Variants in PTPRD observed in about 807,000 individuals in gnomAD.
The protein encoded by PTPRD is receptor-type tyrosine-protein phosphatase delta.
PTPRD carries 34 observed loss-of-function variants against 214.5 expected under a neutral mutation model. The observed-to-expected ratio is 0.16, with a 90% CI of 0.12 to 0.21. PTPRD has a LOEUF of 0.21. Among genes scored for constraint, PTPRD ranks in the 10% least tolerant of loss-of-function variants. The probability of loss-of-function intolerance (pLI) is 1.00; values close to 1 mark genes in which losing one functional copy is unlikely to be tolerated. For missense variants in PTPRD, 2,545 were observed against 2,398.7 expected (o/e 1.06, Z -1.27); for synonymous variants, 1,128 against 845.7 (o/e 1.33, Z -5.79).
At chr9:9,273,878 G>T (rs1231753770) in intron 9 of PTPRD, among the ~76,000 whole-genome samples, 1 of 151,054 alleles carries the variant, frequency 6.6e-6, no homozygotes, top group East Asian at 2.0e-4. Context: ...AAGAACATTC[G>T]CCAAACCTTC....
At chr9:8,827,377 T>A (rs949588815) in intron 11 of PTPRD, among the ~76,000 whole-genome samples, 4 of 152,030 alleles carry the variant, frequency 2.6e-5, no homozygotes, top group Non-Finnish European at 5.9e-5. Context: ...GAGGCCAAGG[T>A]GGGTGGATCA....
At chr9:9,478,851 A>C (rs1166626961) in intron 8 of PTPRD, among the ~76,000 whole-genome samples, 1 of 152,190 alleles carries the variant, frequency 6.6e-6, no homozygotes, top group East Asian at 1.9e-4. Flanking sequence ...TCAAGGGTGC[A>C]AGTGAGTTCC....
At chr9:8,984,979 A>C (rs534073650) in intron 11 of PTPRD, among the ~76,000 whole-genome samples, 1 of 152,206 alleles carries the variant, frequency 6.6e-6, no homozygotes, top group African/African-American at 2.4e-5. Flanking sequence ...AAATGATTGA[A>C]TCAAGTTGGA....
intron 3 of PTPRD, among the ~76,000 whole-genome samples, chr9:10,081,508 A>G (rs1343269895): frequency 6.6e-6 from 1 of 152,008 alleles, no homozygotes; most frequent in Non-Finnish European, 1.5e-5. Flanking sequence ...AGAGACCTTC[A>G]CAGTTCTCTT....
At chr9:9,541,899 A>T (rs905253393) in intron 8 of PTPRD, among the ~76,000 whole-genome samples, 2 of 151,784 alleles carry the variant, frequency 1.3e-5, no homozygotes, top group Non-Finnish European at 2.9e-5. Flanking sequence ...AGGTATCTAA[A>T]AGAAGAAAAG....
intron 11 of PTPRD, among the ~76,000 whole-genome samples, chr9:8,970,970 A>G (rs939116780): frequency 7.3e-5 from 11 of 151,720 alleles, no homozygotes; most frequent in African/African-American, 2.4e-4. Flanking sequence ...GATATGTTCT[A>G]ATGAAATCTT....
At chr9:8,477,396 TAAGTA>T (rs764044368) in intron 30 of PTPRD, among the ~76,000 whole-genome samples, 3 of 152,182 alleles carry the variant, frequency 2.0e-5, no homozygotes, top group Non-Finnish European at 2.9e-5. Flanking sequence ...TTAATTATAT[TAAGTA>T]AAGTTTTACT....
intron 43 of PTPRD, among the ~76,000 whole-genome samples, chr9:8,337,887 T>A (rs1848550529): frequency 6.6e-6 from 1 of 151,668 alleles, no homozygotes; most frequent in Non-Finnish European, 1.5e-5. Context: ...TTTTTTTTTT[T>A]AAACGGTGGG....
At chr9:10,098,251 C>T (rs1021373831) in intron 3 of PTPRD, among the ~76,000 whole-genome samples, 1 of 150,596 alleles carries the variant, frequency 6.6e-6, no homozygotes, top group African/African-American at 2.4e-5. Context: ...GGACAAAAAA[C>T]CAAACACCGC....
intron 12 of PTPRD, among the ~76,000 whole-genome samples, chr9:8,644,377 G>A (rs1024339791): frequency 6.6e-5 from 10 of 152,066 alleles, no homozygotes; most frequent in East Asian, 1.9e-4. Context: ...GCTCTTCTTC[G>A]TCTTGCTCAT....
intron 9 of PTPRD, among the ~76,000 whole-genome samples, chr9:9,357,436 A>T (rs191200052): frequency 4.0e-4 from 61 of 151,408 alleles, no homozygotes; most frequent in African/African-American, 1.5e-3. Flanking sequence ...ATGATCTTGT[A>T]TGTAATCATT....
chr9:10,120,425 A>T (rs12237347), intron 3 of PTPRD, among the ~76,000 whole-genome samples: 21,644 of 151,906 alleles, frequency 0.14, 1,610 homozygotes, highest in South Asian at 0.28. Context: ...TAAAGAGTTC[A>T]ATTAATTTTT....
chr9:9,381,462 G>GTAA (rs2140321426), intron 9 of PTPRD, among the ~76,000 whole-genome samples: 1 of 149,672 alleles, frequency 6.7e-6, no homozygotes, highest in African/African-American at 2.5e-5. Context: ...TTGGGCTCAA[G>GTAA]TAATCTTCTC....
chr9:9,103,067 T>C (rs1289215392), intron 10 of PTPRD, among the ~76,000 whole-genome samples: 1 of 152,204 alleles, frequency 6.6e-6, no homozygotes, highest in Non-Finnish European at 1.5e-5. Flanking sequence ...AAATTAAATT[T>C]TCTTTTTCAG....
chr9:8,808,381 A>C (rs1381866390), intron 11 of PTPRD, among the ~76,000 whole-genome samples: 1 of 151,314 alleles, frequency 6.6e-6, no homozygotes, highest in Non-Finnish European at 1.5e-5. Flanking sequence ...AGCTAACCCC[A>C]CATTCACTAA....
chr9:8,377,560 G>A lies in PTPRD; in HGVS notation c.4387-834C>T, dbSNP rs371792674. On this transcript the variant is annotated intron_variant, in intron 37 of 45. Coordinates refer to ENST00000381196, the MANE Select transcript of PTPRD (RefSeq NM_002839.4). ...GTAACAAACACAGCACAATATTTTT[G>A]GAGTAAGGCCATAGATCTGACTATA... Among the ~76,000 whole-genome samples the A allele has an allele frequency of 3.6e-4, 54 of 152,004 alleles. 1 individual carries two copies. In the South Asian group the frequency reaches 9.6e-3, roughly 27 times the overall value.
At chr9:8,585,598 C>T (rs181035857) in intron 14 of PTPRD, among the ~76,000 whole-genome samples, 144 of 152,298 alleles carry the variant, frequency 9.5e-4, no homozygotes, top group Admixed American at 9.3e-3. Context: ...CCATACATTG[C>T]AAAGTAGTCC....
intron 11 of PTPRD, among the ~76,000 whole-genome samples, chr9:8,870,471 G>A: frequency 6.6e-6 from 1 of 152,104 alleles, no homozygotes; most frequent in East Asian, 1.9e-4. Context: ...AAAGGAAAGT[G>A]TGTGTGTCAA....
chr9:8,385,183 G>A (rs2086543720), intron 37 of PTPRD, among the ~76,000 whole-genome samples: 1 of 152,164 alleles, frequency 6.6e-6, no homozygotes, highest in Admixed American at 6.6e-5. Context: ...ACTCACCAAA[G>A]GTATTAATAC....
Sources: allele counts gnomAD v4.1 joint callset (sites outside exome capture counted in the v4.1 genomes callset), GRCh38; gene constraint gnomAD v4.1.1; transcripts MANE v1.5; gene names NCBI Gene and HGNC (gene_info 2026-07-23, HGNC 2026-07-21).